Variants in DCDC1 observed in about 807,000 individuals in gnomAD.
DCDC1 encodes doublecortin domain-containing protein 1.
Under a neutral mutation model 178.3 loss-of-function variants are expected in DCDC1, and 200 were observed. The observed-to-expected ratio is 1.12, with a 90% CI of 1.00 to 1.26. The LOEUF is 1.26. Ranked by LOEUF, DCDC1 falls within the 50% of genes most tolerant of loss-of-function variation. The probability of loss-of-function intolerance (pLI) is 0.00; values close to 1 mark genes in which losing one functional copy is unlikely to be tolerated. For synonymous variants in DCDC1, 690 were observed against 604.8 expected (o/e 1.14, Z -2.07); for missense variants, 1,983 against 1,749.2 (o/e 1.13, Z -2.38).
At chr11:31,269,204 G>T (rs547191056) in intron 7 of DCDC1, among the ~76,000 whole-genome samples, 11 of 152,080 alleles carry the variant, frequency 7.2e-5, no homozygotes, top group Non-Finnish European at 1.6e-4. Flanking sequence ...ATAAGTTTCT[G>T]TCAAAAGCCC....
intron 15 of DCDC1, among the ~76,000 whole-genome samples, chr11:31,099,054 A>T (rs1415668989): frequency 6.6e-6 from 1 of 152,204 alleles, no homozygotes; most frequent in African/African-American, 2.4e-5. Context: ...AACATTTTAG[A>T]AAATAGATTT....
intron 10 of DCDC1, among the ~76,000 whole-genome samples, chr11:31,137,259 G>T: frequency 6.6e-6 from 1 of 150,990 alleles, no homozygotes; most frequent in African/African-American, 2.4e-5. Context: ...TGATCACTTT[G>T]TTTCTATCAT....
intron 9 of DCDC1, among the ~76,000 whole-genome samples, chr11:31,228,766 TG>T (rs1555134953): frequency 6.6e-6 from 1 of 152,142 alleles, no homozygotes; most frequent in Non-Finnish European, 1.5e-5. Flanking sequence ...AACATCTTTA[TG>T]TCAACAAATT....
intron 10 of DCDC1, among the ~76,000 whole-genome samples, chr11:31,134,994 T>C (rs1250942262): frequency 1.3e-5 from 2 of 152,120 alleles, no homozygotes; most frequent in East Asian, 3.8e-4. Flanking sequence ...AGAGCCTATC[T>C]CTAAAATAAA....
At chr11:31,324,178 T>C (rs879323572) in intron 3 of DCDC1, among the ~76,000 whole-genome samples, 1 of 152,048 alleles carries the variant, frequency 6.6e-6, no homozygotes, top group Non-Finnish European at 1.5e-5. Context: ...ATAGAATATA[T>C]TCAATAAGTG....
chr11:30,952,244 G>GA (rs1474624142), intron 21 of DCDC1, among the ~76,000 whole-genome samples: 2 of 152,056 alleles, frequency 1.3e-5, no homozygotes, highest in Non-Finnish European at 2.9e-5. Flanking sequence ...CAGATTACAA[G>GA]AAAAAATAGA....
intron 6 of DCDC1, among the ~76,000 whole-genome samples, chr11:31,297,197 C>T (rs1046190417): frequency 6.6e-6 from 1 of 151,994 alleles, no homozygotes; most frequent in Non-Finnish European, 1.5e-5. Flanking sequence ...TCAGCCCTGG[C>T]GAGGAAGAGG....
chr11:30,869,729 A>G (rs1941357274), intron 38 of DCDC1, among the ~76,000 whole-genome samples: 1 of 152,132 alleles, frequency 6.6e-6, no homozygotes, highest in African/African-American at 2.4e-5. Flanking sequence ...GAATGGGGAA[A>G]AGTTTAGCAT....
intron 9 of DCDC1, among the ~76,000 whole-genome samples, chr11:31,209,909 A>G (rs887236795): frequency 1.3e-5 from 2 of 152,216 alleles, no homozygotes; most frequent in African/African-American, 4.8e-5. Context: ...CAGTCAGTCC[A>G]CCAGACACAA....
chr11:31,078,760 A>C (rs2135565094), intron 17 of DCDC1, among the ~76,000 whole-genome samples: 1 of 152,252 alleles, frequency 6.6e-6, no homozygotes, highest in East Asian at 1.9e-4. Flanking sequence ...GCTTAATAAC[A>C]ATGTAGGTGT....
intron 14 of DCDC1, among the ~76,000 whole-genome samples, chr11:31,102,585 A>G (rs187854341): frequency 3.1e-4 from 47 of 152,198 alleles, no homozygotes; most frequent in African/African-American, 1.1e-3. Flanking sequence ...AGCATTTTCA[A>G]CTGTTTATTA....
At chr11:30,907,505 GC>G (rs1945147613) in intron 29 of DCDC1, among the ~76,000 whole-genome samples, 1 of 152,150 alleles carries the variant, frequency 6.6e-6, no homozygotes, top group African/African-American at 2.4e-5. Flanking sequence ...CAAATGTGAT[GC>G]AAGCAGATGC....
intron 8 of DCDC1, among the ~76,000 whole-genome samples, chr11:31,254,019 A>G (rs1944248329): frequency 6.6e-6 from 1 of 152,196 alleles, no homozygotes; most frequent in East Asian, 1.9e-4. Context: ...CCACACCAAC[A>G]TGTAGCATGA....
At position 31,235,532 on chromosome 11, in the gene DCDC1, G is replaced by T. The variant is rs575396784; in HGVS notation, c.1221+5918C>A. Among the ~76,000 whole-genome samples the T allele has an allele frequency of 5.3e-4, 80 of 151,866 alleles. 1 individual carries two copies. Among genetic ancestry groups the T allele is most frequent in the African/African-American group, 1.7e-3 (71 of 41,496 alleles). On this transcript the variant is annotated intron_variant, in intron 9 of 38. Transcript: ENST00000684477. ...TTTCTATTCAGTCACAAGTACAGAG[G>T]ATAAATGATTTTTAAATATTTCCAT...
chr11:31,001,401 A>G (rs564373157), intron 20 of DCDC1, among the ~76,000 whole-genome samples: 2 of 152,308 alleles, frequency 1.3e-5, no homozygotes. Context: ...ACACTAAGAA[A>G]TCTTTTGCCT....
chr11:30,964,021 G>C (rs1949276913), intron 20 of DCDC1, among the ~76,000 whole-genome samples: 1 of 152,012 alleles, frequency 6.6e-6, no homozygotes, highest in South Asian at 2.1e-4. Context: ...AGTTCTTCAA[G>C]GAACACTCCT....
At chr11:31,159,892 C>A (rs1315228910) in intron 9 of DCDC1, among the ~76,000 whole-genome samples, 1 of 152,138 alleles carries the variant, frequency 6.6e-6, no homozygotes, top group East Asian at 1.9e-4. Flanking sequence ...TTCATTTCCA[C>A]CAAGTGTCTT....
At chr11:30,872,990 AAT>A (rs370958717) in intron 38 of DCDC1, among the ~76,000 whole-genome samples, 34 of 149,070 alleles carry the variant, frequency 2.3e-4, no homozygotes, top group South Asian at 4.2e-4. Flanking sequence ...TGACTGCCTG[AAT>A]ATATATATAT....
At chr11:31,369,548 C>G (rs1952164302) in intron 1 of DCDC1, 149 bp downstream of exon 1, 1 of 152,498 alleles carries the variant, frequency 6.6e-6, no homozygotes, top group Non-Finnish European at 1.5e-5. Context: ...GTACGGTAAA[C>G]GGAGGAAGCT....
Sources: allele counts gnomAD v4.1 joint callset (sites outside exome capture counted in the v4.1 genomes callset), GRCh38; gene constraint gnomAD v4.1.1; transcripts MANE v1.5; gene names NCBI Gene and HGNC (gene_info 2026-07-23, HGNC 2026-07-21).